The following ZNF804A variants were observed in gnomAD, a reference collection of about 807,000 sequenced individuals.
ZNF804A encodes zinc finger protein 804A.
In ZNF804A, 2 loss-of-function variants were observed where a neutral mutation model predicts 16.5. The observed-to-expected ratio is 0.12, with a 90% CI of 0.05 to 0.38. ZNF804A has a LOEUF of 0.38. Ranked by LOEUF, ZNF804A falls within the 10% of genes least tolerant of loss-of-function variation. The pLI, the probability that ZNF804A is intolerant of heterozygous loss-of-function variation, is 0.99. For missense variants in ZNF804A, 1,473 were observed against 1,390.7 expected (o/e 1.06, Z -0.94); for synonymous variants, 534 against 489.6 (o/e 1.09, Z -1.20).
chr2:184,924,728 GTA>G (rs1169636926), intron 2 of ZNF804A, among the ~76,000 whole-genome samples: 2 of 151,396 alleles, frequency 1.3e-5, no homozygotes, highest in African/African-American at 4.8e-5. Flanking sequence ...ATAGATTTTT[GTA>G]TGTTACGTTT....
Position 184,936,120 on chromosome 2 carries a change from G to A in ZNF804A, c.724G>A (p.Val242Met), listed in dbSNP as rs772981801. 5.0e-6 allele frequency: 8 copies of A among 1,614,066 alleles called. No individual in the cohort carries two copies. The South Asian group carries it at 8.8e-5, about 18-fold the overall frequency. The change falls in exon 4 of 4, where the codon GTG becomes ATG. Residue 242 changes from valine to methionine, a missense_variant. Coordinates refer to ENST00000302277, the MANE Select transcript of ZNF804A (RefSeq NM_194250.2). ...AFSEYSDDAS[V>M]GKGFSRKSRF... ...CTCTGAATACAGTGATGATGCCTCA[G>A]TGGGAAAAGGATTTAGCAGAAAAAG...
chr2:184,619,726 T>G (rs1269006263), intron 1 of ZNF804A, among the ~76,000 whole-genome samples: 2 of 151,956 alleles, frequency 1.3e-5, no homozygotes, highest in Non-Finnish European at 2.9e-5. Context: ...CAGACTAATT[T>G]TGACTTAGGT....
chr2:184,829,838 G>C (rs1695230186), intron 1 of ZNF804A, among the ~76,000 whole-genome samples: 1 of 131,340 alleles, frequency 7.6e-6, no homozygotes, highest in Admixed American at 9.1e-5. Context: ...AAGACTGGCA[G>C]ATTGCTTGAA....
chr2:184,866,855 A>G (rs1043854328), intron 2 of ZNF804A, among the ~76,000 whole-genome samples: 54 of 150,744 alleles, frequency 3.6e-4, no homozygotes, highest in African/African-American at 1.3e-3. Flanking sequence ...TCAATAATTT[A>G]TGCATTATAT....
chr2:184,866,685 T>C (rs1695881865), intron 2 of ZNF804A, among the ~76,000 whole-genome samples, 173 bp downstream of exon 2: 1 of 151,414 alleles, frequency 6.6e-6, no homozygotes, highest in Non-Finnish European at 1.5e-5. Flanking sequence ...ATCCTTTTTT[T>C]TTTTTTTAAA....
intron 2 of ZNF804A, among the ~76,000 whole-genome samples, chr2:184,881,715 T>C (rs2105817986): frequency 6.6e-6 from 1 of 152,094 alleles, no homozygotes; most frequent in East Asian, 1.9e-4. Flanking sequence ...ATAAGATACT[T>C]TTCAGACAAG....
chr2:184,720,337 T>C (rs1344405053), intron 1 of ZNF804A, among the ~76,000 whole-genome samples: 4 of 152,214 alleles, frequency 2.6e-5, no homozygotes, highest in Admixed American at 6.5e-5. Context: ...TTTTTACTTA[T>C]GACACCTTAT....
chr2:184,781,295 G>T (rs1460553811), intron 1 of ZNF804A, among the ~76,000 whole-genome samples: 1 of 151,608 alleles, frequency 6.6e-6, no homozygotes, highest in East Asian at 1.9e-4. Flanking sequence ...TTTTCTCCTA[G>T]GTACAATGCC....
At chr2:184,882,810 C>T (rs1684828671) in intron 2 of ZNF804A, among the ~76,000 whole-genome samples, 1 of 151,884 alleles carries the variant, frequency 6.6e-6, no homozygotes. Context: ...GTTTATAGCA[C>T]TAAATATCCA....
At chr2:184,780,971 A>T (rs1694363797) in intron 1 of ZNF804A, among the ~76,000 whole-genome samples, 1 of 151,778 alleles carries the variant, frequency 6.6e-6, no homozygotes, top group South Asian at 2.1e-4. Context: ...TATAGAGAAT[A>T]GCAGCAACTT....
chr2:184,921,303 G>A (rs56213902), intron 2 of ZNF804A, among the ~76,000 whole-genome samples: 67,538 of 151,922 alleles, frequency 0.44, 17,590 homozygotes, highest in East Asian at 0.82. Context: ...TCTCAAAGCA[G>A]TTGAATATTA....
chr2:184,660,781 GC>G (rs1692160664), intron 1 of ZNF804A, among the ~76,000 whole-genome samples: 1 of 152,214 alleles, frequency 6.6e-6, no homozygotes, highest in Non-Finnish European at 1.5e-5. Context: ...CTAAACACCT[GC>G]CAATAAGAGA....
intron 1 of ZNF804A, among the ~76,000 whole-genome samples, chr2:184,692,425 T>C (rs533071083): frequency 2.0e-5 from 3 of 152,202 alleles, no homozygotes; most frequent in Non-Finnish European, 4.4e-5. Flanking sequence ...TGGCCTTCAC[T>C]GTGAGCACAA....
intron 1 of ZNF804A, among the ~76,000 whole-genome samples, chr2:184,817,455 A>G (rs895716614): frequency 6.6e-6 from 1 of 152,048 alleles, no homozygotes; most frequent in East Asian, 1.9e-4. Context: ...ATAAGAAAGA[A>G]TCAATGCAAA....
At chr2:184,827,513 A>G (rs1387536004) in intron 1 of ZNF804A, among the ~76,000 whole-genome samples, 1 of 147,480 alleles carries the variant, frequency 6.8e-6, no homozygotes, top group African/African-American at 2.5e-5. Flanking sequence ...TATATATAAA[A>G]CTTTCACCCC....
In ZNF804A at chr2:184,762,099, T is replaced by TC. The variant is rs1042178236; in HGVS notation, c.112-104269dup. 3.3e-5 allele frequency among the ~76,000 whole-genome samples: 5 copies of TC among 152,192 alleles called. No individual in the cohort carries two copies. In the South Asian group the frequency reaches 8.3e-4, roughly 25 times the overall value. ...CATGATGTCTCTCTCTCTTTTTTTTTCTCACATTGTCTCCTCCTTCATTTT... is the reference window on the plus strand; with the variant it reads ...CATGATGTCTCTCTCTCTTTTTTTTTCCTCACATTGTCTCCTCCTTCATTTT... On this transcript the variant is annotated intron_variant, in intron 1 of 3. Coordinates refer to ENST00000302277, the MANE Select transcript of ZNF804A (RefSeq NM_194250.2).
chr2:184,668,481 TCTCTC>T (rs1224517765), intron 1 of ZNF804A, among the ~76,000 whole-genome samples: 1 of 151,934 alleles, frequency 6.6e-6, no homozygotes, highest in Non-Finnish European at 1.5e-5. Flanking sequence ...TGTTATTACT[TCTCTC>T]CATCAACAAA....
At chr2:184,746,347 T>A (rs1403922307) in intron 1 of ZNF804A, among the ~76,000 whole-genome samples, 1 of 151,328 alleles carries the variant, frequency 6.6e-6, no homozygotes, top group South Asian at 2.1e-4. Flanking sequence ...TCACTACCCT[T>A]CCCAGCCTCT....
At chr2:184,868,021 C>T (rs1012236499) in intron 2 of ZNF804A, among the ~76,000 whole-genome samples, 5 of 152,036 alleles carry the variant, frequency 3.3e-5, no homozygotes, top group Admixed American at 1.3e-4. Context: ...AGCCCAAGGG[C>T]ATTTTCAGTT....
Sources: allele counts gnomAD v4.1 joint callset (sites outside exome capture counted in the v4.1 genomes callset), GRCh38; gene constraint gnomAD v4.1.1; transcripts MANE v1.5; gene names NCBI Gene and HGNC (gene_info 2026-07-23, HGNC 2026-07-21).